The following LMBRD2 variants were observed in gnomAD, a reference collection of about 807,000 sequenced individuals.
LMBRD2 encodes the protein LMBR1 domain containing 2.
A neutral mutation model predicts 94.4 loss-of-function variants in LMBRD2; 55 were observed. The ratio of observed to expected loss-of-function variants is 0.58; its 90% CI spans 0.47 to 0.73. The LOEUF (loss-of-function observed/expected upper bound fraction) is 0.73, where lower values mean the gene tolerates loss of function less well. Ranked by LOEUF, LMBRD2 falls within the 30% of genes least tolerant of loss-of-function variation. The pLI, the probability that LMBRD2 is intolerant of heterozygous loss-of-function variation, is 0.00. For missense variants in LMBRD2, 640 were observed against 831.9 expected (o/e 0.77, Z 2.84); for synonymous variants, 246 against 272.4 (o/e 0.90, Z 0.95).
chr5:36,104,680 A>G (rs1743422078), intron 17 of LMBRD2, among the ~76,000 whole-genome samples: 1 of 151,870 alleles, frequency 6.6e-6, no homozygotes, highest in South Asian at 2.1e-4. Context: ...AGGACTTAGA[A>G]TAGTGTCTGG....
rs557585730 is a variant in LMBRD2 at position 36,098,962 on chromosome 5, A to C, written c.*5084T>G. The C allele has an allele frequency of 6.6e-6, 1 of 152,272 alleles. No individual in the cohort carries two copies. The highest frequency in any genetic ancestry group is 2.1e-4 in the South Asian group (1 of 4,834). 9.4% of individuals were successfully genotyped at this position (152,272 alleles called of 1,614,324 possible). A position where few individuals can be genotyped will look rare whatever the true frequency, so the allele number is the denominator to read the frequency against. The stretch of plus-strand genomic sequence containing the variant: ...AGTAACATTTTGAAAAATTATGATC[A>C]TATGCACATTTGAAAAGATTAATTT... On this transcript the variant is annotated 3_prime_UTR_variant, in exon 18 of 18. Transcript: ENST00000296603.
chr5:36,127,830 C>A (rs10072168), intron 6 of LMBRD2, among the ~76,000 whole-genome samples: 1,650 of 152,320 alleles, frequency 0.011, 24 homozygotes, highest in African/African-American at 0.037. Context: ...GGAGAACTTG[C>A]CACTCTGAAG....
At position 36,122,346 on chromosome 5, in the gene LMBRD2, C is replaced by T; in HGVS notation, c.1054G>A (p.Val352Ile). ...GGCTCTGGCGATTGAAAGGTGTGAA[C>T]AAACTGATGAGTAGCACTAGTTTCA... ...KNETSATHQF[V>I]HTFQSPEPEN... is the part of the protein sequence containing the mutation. Residue 352 changes from valine (V) to isoleucine (I), a missense_variant, in exon 9 of 18, where the codon GTT (valine) becomes ATT (isoleucine). Around this residue, in one of 2 missense-constraint regions of LMBRD2, gnomAD observed 457 missense variants for 642.8 expected, o/e 0.71. Coordinates refer to ENST00000296603, the MANE Select transcript of LMBRD2 (RefSeq NM_001007527.2). 1 of 1,612,470 alleles carries T rather than the reference C, an allele frequency of 6.2e-7. No individual in the cohort carries two copies.
At chr5:36,114,380 T>A (rs1157898675) in intron 13 of LMBRD2, 44 bp downstream of exon 13, 1 of 1,530,834 alleles carries the variant, frequency 6.5e-7, no homozygotes, top group South Asian at 1.3e-5. Flanking sequence ...AGAAAGGATA[T>A]CCAGATTTAA....
intron 4 of LMBRD2, among the ~76,000 whole-genome samples, chr5:36,138,337 T>C (rs1158352417): frequency 6.6e-6 from 1 of 152,210 alleles, no homozygotes; most frequent in Non-Finnish European, 1.5e-5. Flanking sequence ...TAGGATAAAC[T>C]ATGGCATATA....
At chr5:36,149,111 C>T (rs1744625551) in intron 1 of LMBRD2, among the ~76,000 whole-genome samples, 1 of 152,184 alleles carries the variant, frequency 6.6e-6, no homozygotes, top group Non-Finnish European at 1.5e-5. Context: ...TAAAGATCTA[C>T]TTAGTTCCAA....
Position 36,128,610 on chromosome 5 carries a change from A to G in LMBRD2, c.748-4345T>C, listed in dbSNP as rs1374164179. Among the ~76,000 whole-genome samples, 4 of 152,160 alleles carry G rather than the reference A, an allele frequency of 2.6e-5. No homozygotes were observed. The East Asian group carries it at 7.7e-4, about 29-fold the overall frequency. ...GTGTGTGCCTGTAGTACCAGCTACC[A>G]GCTACTTGGGAGGCTGACGTGAGAG... On this transcript the variant is annotated intron_variant, in intron 6 of 17. Transcript: ENST00000296603.
Position 36,136,438 on chromosome 5 carries a change from C to T in LMBRD2, c.618G>A (p.Leu206=), listed in dbSNP as rs77314962. 55 of 1,613,248 alleles carry T rather than the reference C, an allele frequency of 3.4e-5. No individual in the cohort carries two copies. Among genetic ancestry groups the T allele is most frequent in the Non-Finnish European group, 4.2e-5 (50 of 1,179,892 alleles). Residue 206 remains leucine (L), a synonymous_variant, in exon 6 of 18, where the codon TTG becomes TTA. Transcript: ENST00000296603. ...TCCAGTATGATCGAGGAATTTCCAC[C>T]AAGCCATACCCCAACAACAACACAA... ...FLLVLLLGYG[L]VEIPRSYWNG...
chr5:36,150,160 G>A (rs551599673), intron 1 of LMBRD2, among the ~76,000 whole-genome samples: 3 of 152,240 alleles, frequency 2.0e-5, no homozygotes, highest in East Asian at 1.9e-4. Context: ...GTCTGTTACC[G>A]GGGCAAACTA....
chr5:36,122,255 T>A (rs759169093), intron 9 of LMBRD2, 25 bp downstream of exon 9: 1 of 1,522,242 alleles, frequency 6.6e-7, no homozygotes, highest in South Asian at 1.3e-5. Flanking sequence ...TCATTAAAGT[T>A]TGAAATTTAT....
At position 36,100,128 on chromosome 5, in the gene LMBRD2, T is replaced by C. The variant is rs1743317193; in HGVS notation, c.*3918A>G. 1 of 152,186 alleles carries C rather than the reference T, an allele frequency of 6.6e-6. No individual in the cohort carries two copies. The highest frequency in any genetic ancestry group is 1.5e-5 in the Non-Finnish European group (1 of 68,028). The allele number at this position is 152,186 out of a possible 1,614,324, so 9.4% of individuals were successfully genotyped here. On this transcript the variant is annotated 3_prime_UTR_variant, in exon 18 of 18. Coordinates refer to ENST00000296603, the MANE Select transcript of LMBRD2 (RefSeq NM_001007527.2). ...GAAGGCCTTCTGTAACCTTCTTATA[T>C]TGTTTCAACGCTCCTAAGAAAAGTT...
intron 6 of LMBRD2, among the ~76,000 whole-genome samples, chr5:36,125,069 C>G (rs1006594454): frequency 1.3e-5 from 2 of 151,800 alleles, no homozygotes; most frequent in Admixed American, 1.3e-4. Flanking sequence ...GGAGAGAAGA[C>G]AAGGAATTGT....
Position 36,122,339 on chromosome 5 carries a change from G to C in LMBRD2, c.1061C>G (p.Thr354Ser), listed in dbSNP as rs768819068. 1.9e-6 allele frequency: 3 copies of C among 1,611,942 alleles called. No individual in the cohort carries two copies. Among genetic ancestry groups the C allele is most frequent in the African/African-American group, 1.3e-5 (1 of 74,824 alleles). Reference protein sequence around the residue: ...ETSATHQFVHTFQSPEPENRF... With the variant: ...ETSATHQFVHSFQSPEPENRF... Reference sequence around the variant, plus strand: ...ATTTTCTGGCTCTGGCGATTGAAAGGTGTGAACAAACTGATGAGTAGCACT... The same window carrying C: ...ATTTTCTGGCTCTGGCGATTGAAAGCTGTGAACAAACTGATGAGTAGCACT... The change falls in exon 9 of 18, where the codon ACC (threonine) becomes AGC (serine). Residue 354 changes from threonine to serine, a missense_variant. Around this residue, in one of 2 missense-constraint regions of LMBRD2, gnomAD observed 457 missense variants for 642.8 expected, o/e 0.71. Coordinates refer to ENST00000296603, the MANE Select transcript of LMBRD2 (RefSeq NM_001007527.2).
chr5:36,112,124 T>G (rs556822037), intron 13 of LMBRD2, among the ~76,000 whole-genome samples: 22 of 152,002 alleles, frequency 1.4e-4, no homozygotes, highest in African/African-American at 5.1e-4. Context: ...CCATTCCATT[T>G]TGCAGTAAAA....
chr5:36,115,139 A>C lies in LMBRD2; in HGVS notation c.1437-19T>G, dbSNP rs375336546. ...AAATAGCCTGCAACAAACATTTAAA[A>C]ATATGTATATAAAAAGTAAAGCAGC... is the stretch of plus-strand genomic sequence containing the variant. On this transcript the variant is annotated intron_variant, in intron 11 of 17. Transcript: ENST00000296603. 96 of 1,462,262 alleles carry C rather than the reference A, an allele frequency of 6.6e-5. No homozygotes were observed. In the African/African-American group the frequency reaches 1.2e-3, roughly 19 times the overall value. 90.6% of individuals were successfully genotyped at this position (1,462,262 alleles called of 1,614,324 possible). A position where few individuals can be genotyped will look rare whatever the true frequency, so the allele number is the denominator to read the frequency against.
intron 13 of LMBRD2, among the ~76,000 whole-genome samples, chr5:36,113,242 T>C (rs1743656631): frequency 6.6e-6 from 1 of 152,136 alleles, no homozygotes; most frequent in African/African-American, 2.4e-5. Flanking sequence ...CCCTGTCCTG[T>C]TCTGTTCCGA....
At chr5:36,148,106 A>C (rs1744595745) in intron 1 of LMBRD2, 1 of 185,004 alleles carries the variant, frequency 5.4e-6, no homozygotes, top group African/African-American at 2.4e-5. Context: ...TGAATGATTA[A>C]GTCAACAATT....
rs141521969 is a variant in LMBRD2, at chr5:36,117,758, T to C, written c.1279A>G (p.Thr427Ala). ...ACCTCGATATAAATATAATTATATGTTTTTTCTGCCAGCTGTATGAAGACC... is the reference window on the plus strand; with the variant it reads ...ACCTCGATATAAATATAATTATATGCTTTTTCTGCCAGCTGTATGAAGACC... ...FAVFIQLAEK[T>A]YNYIYIEIAC... The change falls in exon 10 of 18, where the codon ACA (threonine) becomes GCA (alanine). Residue 427 changes from threonine to alanine, a missense_variant. Thr to Ala is a moderately conservative substitution (Grantham distance 58). Coordinates refer to ENST00000296603, the MANE Select transcript of LMBRD2 (RefSeq NM_001007527.2). The C allele has an allele frequency of 1.9e-6, 3 of 1,606,370 alleles. No homozygotes were observed. The highest frequency in any genetic ancestry group is 3.4e-5 in the Admixed American group (2 of 58,494).
At chr5:36,135,704 CA>C (rs997080286) in intron 6 of LMBRD2, among the ~76,000 whole-genome samples, 3 of 152,104 alleles carry the variant, frequency 2.0e-5, no homozygotes, top group African/African-American at 7.2e-5. Context: ...AAATCCATAA[CA>C]AAATTTTTAT....
Sources: gnomAD v4.1 joint callset for allele counts (sites outside exome capture counted in the v4.1 genomes callset) on GRCh38, gnomAD v4.1.1 for gene constraint, gnomAD v4.1.1 regional missense constraint, MANE v1.5 for transcripts, NCBI Gene and HGNC (gene_info 2026-07-23, HGNC 2026-07-21) for gene names.